Variants in RAD50 observed in about 807,000 individuals in gnomAD.
The protein encoded by RAD50 is DNA repair protein RAD50.
A neutral mutation model predicts 168.8 loss-of-function variants in RAD50; 132 were observed. The ratio of observed to expected loss-of-function variants is 0.78; its 90% CI spans 0.68 to 0.90. The LOEUF (loss-of-function observed/expected upper bound fraction) is 0.90, where lower values mean the gene tolerates loss of function less well. Ranked by LOEUF, RAD50 falls within the 40% of genes least tolerant of loss-of-function variation. The pLI, the probability that RAD50 is intolerant of heterozygous loss-of-function variation, is 0.00. For synonymous variants in RAD50, 525 were observed against 497.4 expected (o/e 1.06, Z -0.74); for missense variants, 1,347 against 1,534.4 (o/e 0.88, Z 2.04).
chr5:132,576,562 A>G (rs536929106), intron 3 of RAD50, among the ~76,000 whole-genome samples: 2 of 152,300 alleles, frequency 1.3e-5, no homozygotes, highest in South Asian at 2.1e-4. Flanking sequence ...ATGCACATCT[A>G]CTATGTGCTG....
Position 132,645,538 on chromosome 5 carries a change from TTTAAA to T in RAD50, c.*3178_*3182del, listed in dbSNP as rs1441665691. 2.6e-5 allele frequency: 4 copies of T among 152,234 alleles called. No individual in the cohort carries two copies. Among genetic ancestry groups the T allele is most frequent in the Non-Finnish European group, 5.9e-5 (4 of 68,048 alleles). The allele number at this position is 152,234 out of a possible 1,614,324, so 9.4% of individuals were successfully genotyped here. A position where few individuals can be genotyped will look rare whatever the true frequency, so the allele number is the denominator to read the frequency against. On this transcript the variant is annotated 3_prime_UTR_variant, in exon 25 of 25. Transcript: ENST00000378823. Reference sequence around the variant, plus strand: ...TGGTGATCTCATCCAGTCTCATAGCTTTAAATTATCTTAGTTTGGGTTCTCCCAGA... The same window carrying T: ...TGGTGATCTCATCCAGTCTCATAGCTTTATCTTAGTTTGGGTTCTCCCAGA...
intron 13 of RAD50, among the ~76,000 whole-genome samples, chr5:132,597,952 G>A (rs1045226476): frequency 1.1e-4 from 16 of 152,060 alleles, no homozygotes; most frequent in African/African-American, 3.4e-4. Context: ...GAAAGTACAC[G>A]TAGTAGAAAT....
chr5:132,605,073 C>CT, intron 16 of RAD50, 74 bp downstream of exon 16: 1 of 1,185,782 alleles, frequency 8.4e-7, no homozygotes, highest in Non-Finnish European at 1.1e-6. Flanking sequence ...TTGAGACAGT[C>CT]TCGTTCTGTC....
intron 23 of RAD50, 73 bp from the exon 24 acceptor site, chr5:132,640,599 A>ATGTC: frequency 6.3e-7 from 1 of 1,598,310 alleles, no homozygotes; most frequent in Non-Finnish European, 8.6e-7. Context: ...TGAAAAGATC[A>ATGTC]TGTCAGGACT....
chr5:132,605,427 C>T (rs1005893803), intron 16 of RAD50, among the ~76,000 whole-genome samples: 1 of 152,102 alleles, frequency 6.6e-6, no homozygotes, highest in African/African-American at 2.4e-5. Context: ...TCACTGCAGC[C>T]TCGACCTCCT....
chr5:132,636,211 G>A (rs1438915074), intron 21 of RAD50, among the ~76,000 whole-genome samples: 2 of 152,134 alleles, frequency 1.3e-5, no homozygotes, highest in African/African-American at 2.4e-5. Flanking sequence ...TCATAAACCC[G>A]CTTCCAAAGA....
chr5:132,604,264 T>C (rs1425961603), intron 15 of RAD50, among the ~76,000 whole-genome samples: 1 of 151,924 alleles, frequency 6.6e-6, no homozygotes, highest in Non-Finnish European at 1.5e-5. Context: ...TGTATTCTCT[T>C]TTCCTTTTTT....
intron 21 of RAD50, among the ~76,000 whole-genome samples, chr5:132,628,214 T>A (rs1751401248): frequency 6.6e-6 from 1 of 151,694 alleles, no homozygotes; most frequent in Admixed American, 6.6e-5. Flanking sequence ...CACTGGGGAG[T>A]CATCAGCATA....
intron 11 of RAD50, among the ~76,000 whole-genome samples, chr5:132,594,449 G>A (rs2149843527): frequency 6.6e-6 from 1 of 152,290 alleles, no homozygotes; most frequent in East Asian, 1.9e-4. Context: ...ACAGCAACAA[G>A]GAGGGGGAGG....
At position 132,588,749 on chromosome 5, in the gene RAD50, C is replaced by T. The variant is rs104895046; in HGVS notation, c.1114C>T (p.Gln372Ter). The T allele has an allele frequency of 1.9e-6, 3 of 1,613,932 alleles. No homozygotes were observed. Among genetic ancestry groups the T allele is most frequent in the Non-Finnish European group, 2.5e-6 (3 of 1,179,904 alleles). Residue 372 changes from glutamine to a stop codon, truncating the protein, a stop_gained, in exon 8 of 25, where the codon CAG (glutamine) becomes TAG (stop). Coordinates refer to ENST00000378823, the MANE Select transcript of RAD50 (RefSeq NM_005732.4). LOFTEE classifies it high-confidence loss of function. ...EHIRARDSLI[Q>*]SLATQLELDG... ...TATCCGAGCTAGAGATTCATTAATT[C>T]AGTCTTTGGCAACACAGCTAGAATT...
chr5:132,557,594 GC>G, intron 1 of RAD50, 141 bp downstream of exon 1: 1 of 1,268,678 alleles, frequency 7.9e-7, no homozygotes, highest in Non-Finnish European at 1.1e-6. Flanking sequence ...TTAGGGTGTG[GC>G]CTGCAGGCTA....
intron 2 of RAD50, among the ~76,000 whole-genome samples, chr5:132,562,937 T>G (rs1750146356): frequency 6.6e-6 from 1 of 152,138 alleles, no homozygotes. Context: ...TAAAGTGTTA[T>G]AAGGAGGAAA....
chr5:132,619,467 A>G (rs990293644), intron 21 of RAD50, among the ~76,000 whole-genome samples: 2 of 152,048 alleles, frequency 1.3e-5, no homozygotes, highest in Non-Finnish European at 2.9e-5. Flanking sequence ...TGGTGCAATC[A>G]TAGTTCAGTG....
intron 2 of RAD50, among the ~76,000 whole-genome samples, chr5:132,562,947 A>G (rs898459931): frequency 2.6e-5 from 4 of 152,214 alleles, no homozygotes; most frequent in African/African-American, 9.6e-5. Context: ...TAAGGAGGAA[A>G]TCATCAACTG....
intron 5 of RAD50, 89 bp from the exon 6 acceptor site, chr5:132,587,473 G>T (rs980035086): frequency 1.3e-6 from 2 of 1,543,558 alleles, no homozygotes; most frequent in African/African-American, 1.4e-5. Flanking sequence ...TTTACTAAAT[G>T]CCTGGACCTG....
At chr5:132,559,988 G>A (rs1750094722) in intron 2 of RAD50, among the ~76,000 whole-genome samples, 1 of 152,016 alleles carries the variant, frequency 6.6e-6, no homozygotes, top group South Asian at 2.1e-4. Flanking sequence ...CTATTCGTAT[G>A]TGTAAAGGAC....
At chr5:132,599,748 A>G (rs6596084) in intron 13 of RAD50, among the ~76,000 whole-genome samples, 7,474 of 151,414 alleles carry the variant, frequency 0.049, 598 homozygotes, top group African/African-American at 0.17. Context: ...TTTTTTAAAT[A>G]TGGGAAAGCA....
chr5:132,575,810 C>A lies in RAD50; in HGVS notation c.247C>A (p.Arg83Ser), dbSNP rs1750386295. The A allele has an allele frequency of 1.2e-6, 2 of 1,600,800 alleles. No individual in the cohort carries two copies. Among genetic ancestry groups the A allele is most frequent in the Admixed American group, 1.7e-5 (1 of 60,000 alleles). ...AQETDVRAQIRLQFRDVNGEL... is the reference protein window; with the variant it reads ...AQETDVRAQISLQFRDVNGEL... ...AGAAACAGATGTGAGAGCCCAGATT[C>A]GTCTGCAATTTCGTGATGTCAATGG... The change falls in exon 3 of 25, where the codon CGT (arginine) becomes AGT (serine). Residue 83 changes from arginine to serine, a missense_variant. This residue lies in a region of RAD50 where 703 missense variants were observed against 767.7 expected (regional missense o/e 0.92). Coordinates refer to ENST00000378823, the MANE Select transcript of RAD50 (RefSeq NM_005732.4).
chr5:132,591,770 T>G (rs1054005428), intron 10 of RAD50, 107 bp from the exon 11 acceptor site: 1 of 799,160 alleles, frequency 1.3e-6, no homozygotes, highest in Admixed American at 3.2e-5. Flanking sequence ...TTTCATATTT[T>G]TATAGTTTTA....
Sources: allele counts gnomAD v4.1 joint callset (sites outside exome capture counted in the v4.1 genomes callset), GRCh38; gene constraint gnomAD v4.1.1; regional missense constraint gnomAD v4.1.1; transcripts MANE v1.5; gene names NCBI Gene and HGNC (gene_info 2026-07-23, HGNC 2026-07-21).